SZT2: variants seen among roughly 807,000 people sequenced by gnomAD.
The protein encoded by SZT2 is SZT2 subunit of KICSTOR complex, also known as KICSTOR complex protein SZT2.
In SZT2, 216 loss-of-function variants were observed where a neutral mutation model predicts 404.2. That is an observed-to-expected ratio of 0.53 (90% CI 0.48 to 0.60). The LOEUF (loss-of-function observed/expected upper bound fraction) is 0.60, where lower values mean the gene tolerates loss of function less well. Ranked by LOEUF, SZT2 falls within the 20% of genes least tolerant of loss-of-function variation. The probability of loss-of-function intolerance (pLI) is 0.00; values close to 1 mark genes in which losing one functional copy is unlikely to be tolerated. For missense variants in SZT2, 3,857 were observed against 4,459.2 expected (o/e 0.86, Z 3.85); for synonymous variants, 1,693 against 1,749.9 (o/e 0.97, Z 0.81).
In SZT2 at chr1:43,453,711, C is replaced by T. The variant is rs773566651; in HGVS notation, c.*3231C>T. The T allele has an allele frequency of 7.1e-7, 1 of 1,407,018 alleles. No individual in the cohort carries two copies. The highest frequency in any genetic ancestry group is 1.5e-5 in the South Asian group (1 of 65,016). 87.2% of individuals were successfully genotyped at this position (1,407,018 alleles called of 1,614,324 possible). A position where few individuals can be genotyped will look rare whatever the true frequency, so the allele number is the denominator to read the frequency against. On this transcript the variant is annotated 3_prime_UTR_variant, in exon 72 of 72. Coordinates refer to ENST00000634258, the MANE Select transcript of SZT2 (RefSeq NM_001365999.1). ...CTCGACGGCCTCGAAGCCCGAGCTG[C>T]CCGCGGCCCGCACCCGCGCGGGGAG...
rs760020999 is a variant in SZT2, at chr1:43,445,894, C to T, written c.8826C>T (p.Ser2942=). ...VPLRPPSPAR[S]TSRPRAMAIL... is the part of the protein sequence containing the mutation. ...TCTTATCCCTCCTCCTTTTCTATAG[C>T]ACCAGCCGGCCACGGGCCATGGCTA... Residue 2942 remains serine, a splice_region_variant and synonymous_variant, in exon 63 of 72, where the codon AGC becomes AGT. Transcript: ENST00000634258. 2.5e-6 allele frequency: 4 copies of T among 1,614,200 alleles called. No homozygotes were observed. The highest frequency in any genetic ancestry group is 1.7e-5 in the Admixed American group (1 of 60,030).
Position 43,430,662 on chromosome 1 carries a change from C to T in SZT2, c.4647C>T (p.Gly1549=), listed in dbSNP as rs149192929. The change falls in exon 32 of 72, where the codon GGC becomes GGT. Residue 1549 remains glycine, a synonymous_variant. Transcript: ENST00000634258. ...AAGACTCCTTCAGTATCTTGGGGGG[C>T]GACTCACCCACTGGGCCTGAGAGCT... is the stretch of plus-strand genomic sequence containing the variant. ...PDEDSFSILG[G]DSPTGPESFL... 52 of 1,614,074 alleles carry T rather than the reference C, an allele frequency of 3.2e-5. No homozygotes were observed. In the African/African-American group the frequency reaches 6.0e-4, roughly 19 times the overall value.
intron 26 of SZT2, 60 bp downstream of exon 26, chr1:43,427,794 A>G (rs778110425): frequency 4.6e-5 from 72 of 1,574,318 alleles, no homozygotes; most frequent in Non-Finnish European, 6.2e-5. Flanking sequence ...GCCAAGAAAT[A>G]AGTACACACT....
intron 4 of SZT2, chr1:43,412,379 T>A (rs1006887273): frequency 6.6e-6 from 1 of 152,282 alleles, no homozygotes; most frequent in Non-Finnish European, 1.5e-5. Flanking sequence ...CACTGCAGCC[T>A]TGATCTCTTG....
In SZT2 at chr1:43,452,243, G is replaced by T. The variant is rs780848933; in HGVS notation, c.*1763G>T. 1 of 1,613,976 alleles carries T rather than the reference G, an allele frequency of 6.2e-7. No individual in the cohort carries two copies. The highest frequency in any genetic ancestry group is 2.2e-5 in the East Asian group (1 of 44,866). On this transcript the variant is annotated 3_prime_UTR_variant, in exon 72 of 72. Coordinates refer to ENST00000634258, the MANE Select transcript of SZT2 (RefSeq NM_001365999.1). ...CCAGCTGCATGCCTCAGGTTCTCCA[G>T]AAAAACGGCCTCCATCTCAGCCTTG...
At position 43,430,038 on chromosome 1, in the gene SZT2, C is replaced by T. The variant is rs1214124936; in HGVS notation, c.4336C>T (p.His1446Tyr). ...QEKFLEISRL[H>Y]FRTVPSNPHY... ...GAAGTTCCTAGAGATCAGTCGTCTCCACTTCCGCACAGTGCCTTCCAATCC... is the reference window on the plus strand; with the variant it reads ...GAAGTTCCTAGAGATCAGTCGTCTCTACTTCCGCACAGTGCCTTCCAATCC... Residue 1446 changes from histidine (H) to tyrosine (Y), a missense_variant, in exon 30 of 72, where the codon CAC (histidine) becomes TAC (tyrosine). This residue lies in a region of SZT2 where 1,725 missense variants were observed against 1,881.0 expected (regional missense o/e 0.92). Transcript: ENST00000634258. 1 of 1,614,162 alleles carries T rather than the reference C, an allele frequency of 6.2e-7. No individual in the cohort carries two copies. Among genetic ancestry groups the T allele is most frequent in the Admixed American group, 1.7e-5 (1 of 60,026 alleles).
chr1:43,437,537 C>T lies in SZT2; in HGVS notation c.6290+29C>T, dbSNP rs1178418126. ...TGTGGCCCTTGGAAGGTGGGTAGGG[C>T]ATGAATTAAGGATGGCCTGGGAGGA... On this transcript the variant is annotated intron_variant, in intron 44 of 71. Coordinates refer to ENST00000634258, the MANE Select transcript of SZT2 (RefSeq NM_001365999.1). This position sits in a 1 kb window ranked among gnomAD's most constrained non-coding sequence, Gnocchi z 5.3. The T allele has an allele frequency of 1.2e-6, 2 of 1,613,984 alleles. No homozygotes were observed. Among genetic ancestry groups the T allele is most frequent in the Non-Finnish European group, 8.5e-7 (1 of 1,179,958 alleles).
At chr1:43,428,598 G>A in intron 28 of SZT2, 112 bp downstream of exon 28, 1 of 1,444,374 alleles carries the variant, frequency 6.9e-7, no homozygotes, top group Non-Finnish European at 9.3e-7. Flanking sequence ...AAGCACCTGA[G>A]AAGCAGTAGT....
chr1:43,443,946 G>T (rs568131919), intron 62 of SZT2, 150 bp downstream of exon 62: 3 of 928,590 alleles, frequency 3.2e-6, no homozygotes, highest in Admixed American at 2.6e-5. Context: ...TCATGTGAGG[G>T]TCTCAGATAC....
chr1:43,438,038 A>T, intron 46 of SZT2, 136 bp downstream of exon 46: 1 of 839,760 alleles, frequency 1.2e-6, no homozygotes, highest in Non-Finnish European at 1.9e-6. Flanking sequence ...ATGTTAAGTG[A>T]GCCATAAATA....
intron 67 of SZT2, 22 bp downstream of exon 67, chr1:43,447,720 A>G: frequency 6.2e-7 from 1 of 1,612,302 alleles, no homozygotes; most frequent in Non-Finnish European, 8.5e-7. Flanking sequence ...AGGGGCATCC[A>G]GCATGCACGC....
chr1:43,407,584 T>A (rs1260294283), intron 4 of SZT2, among the ~76,000 whole-genome samples: 3 of 151,816 alleles, frequency 2.0e-5, no homozygotes, highest in Admixed American at 2.0e-4. Context: ...TCCCAGCTAC[T>A]TGGGAGGCTG....
rs1323030925 is a variant in SZT2 at position 43,440,099 on chromosome 1, C to T, written c.7210+51C>T. The T allele has an allele frequency of 3.1e-6, 5 of 1,608,546 alleles. No individual in the cohort carries two copies. The Admixed American group carries it at 6.7e-5, about 22-fold the overall frequency. ...GTCCAGAGAATGTCACAGATCCAAG[C>T]AGGACAGTGTGGCAGGTGAGCGTGC... On this transcript the variant is annotated intron_variant, in intron 51 of 71. Coordinates refer to ENST00000634258, the MANE Select transcript of SZT2 (RefSeq NM_001365999.1).
In SZT2 at chr1:43,452,491, AG is replaced by A. The variant is rs1236678704; in HGVS notation, c.*2015del. On this transcript the variant is annotated 3_prime_UTR_variant, in exon 72 of 72. Coordinates refer to ENST00000634258, the MANE Select transcript of SZT2 (RefSeq NM_001365999.1). The stretch of plus-strand genomic sequence containing the variant: ...TTCAGAGACACTTCAGTGATGGCTG[AG>A]GGGCAAGCCCTTTCCCAGACATCTC... 1 of 699,184 alleles carries A rather than the reference AG, an allele frequency of 1.4e-6. No individual in the cohort carries two copies. The highest frequency in any genetic ancestry group is 2.7e-6 in the Non-Finnish European group (1 of 377,268). 43.3% of individuals were successfully genotyped at this position (699,184 alleles called of 1,614,324 possible).
chr1:43,432,505 C>G lies in SZT2; in HGVS notation c.5443-12C>G, dbSNP rs755097182. 4.3e-5 allele frequency: 69 copies of G among 1,597,912 alleles called. No homozygotes were observed. Among genetic ancestry groups the G allele is most frequent in the Non-Finnish European group, 5.7e-5 (67 of 1,172,952 alleles). Reference sequence around the variant, plus strand: ...GGGGCCTATACCTCAGTCCTGACTTCCTATTCCTCAGACCCTGACAGCCAG... The same window carrying G: ...GGGGCCTATACCTCAGTCCTGACTTGCTATTCCTCAGACCCTGACAGCCAG... On this transcript the variant is annotated splice_polypyrimidine_tract_variant and intron_variant, in intron 37 of 71. Transcript: ENST00000634258.
At position 43,427,768 on chromosome 1, in the gene SZT2, C is replaced by T. The variant is rs750893568; in HGVS notation, c.3803+34C>T. 34 of 1,604,118 alleles carry T rather than the reference C, an allele frequency of 2.1e-5. No homozygotes were observed. The East Asian group carries it at 5.2e-4, about 24-fold the overall frequency. ...CTTCAGTGTTGACCTAAGTCCTCGC[C>T]GGGCCATGGCTCCCAGCCAAGAAAT... On this transcript the variant is annotated intron_variant, in intron 26 of 71. Coordinates refer to ENST00000634258, the MANE Select transcript of SZT2 (RefSeq NM_001365999.1).
Position 43,432,779 on chromosome 1 carries a change from G to C in SZT2, c.5582G>C (p.Ser1861Thr). The C allele has an allele frequency of 6.2e-7, 1 of 1,613,956 alleles. No individual in the cohort carries two copies. The highest frequency in any genetic ancestry group is 8.5e-7 in the Non-Finnish European group (1 of 1,179,926). The part of the protein sequence containing the change: ...RGLSLMSSQG[S>T]VDSDHLGYDG... ...TTAAGTCTCATGTCCAGTCAGGGCA[G>C]TGTGGACTCAGACCACCTAGGTAAG... The change falls in exon 39 of 72, where the codon AGT (serine) becomes ACT (threonine). Residue 1861 changes from serine (S) to threonine (T), a missense_variant. Physicochemically the swap from Ser to Thr is moderately conservative, Grantham distance 58 (BLOSUM62 1). Coordinates refer to ENST00000634258, the MANE Select transcript of SZT2 (RefSeq NM_001365999.1).
chr1:43,441,080 A>C lies in SZT2; in HGVS notation c.7345-134A>C. The C allele has an allele frequency of 8.8e-7, 1 of 1,139,676 alleles. No homozygotes were observed. Among genetic ancestry groups the C allele is most frequent in the South Asian group, 1.5e-5 (1 of 65,128 alleles). 70.6% of individuals were successfully genotyped at this position (1,139,676 alleles called of 1,614,324 possible). On this transcript the variant is annotated intron_variant, in intron 52 of 71. Coordinates refer to ENST00000634258, the MANE Select transcript of SZT2 (RefSeq NM_001365999.1). The surrounding 1 kb of genome is among the most constrained non-coding windows in gnomAD (Gnocchi z 4.8). ...TTAGGTAACCTGCCCAAGGCTCCTT[A>C]GCCAGCCCCTGGGGAAGCCAGGGTC... is the stretch of plus-strand genomic sequence containing the variant.
At chr1:43,431,187 G>A (rs1406631008) in intron 33 of SZT2, 78 bp from the exon 34 acceptor site, 3 of 1,565,910 alleles carry the variant, frequency 1.9e-6, no homozygotes, top group Admixed American at 1.9e-5. Flanking sequence ...AGACCTTGAG[G>A]AGTCCAAGAA....
Sources: allele counts gnomAD v4.1 joint callset (sites outside exome capture counted in the v4.1 genomes callset), GRCh38; gene constraint gnomAD v4.1.1; regional missense constraint gnomAD v4.1.1; non-coding constraint Gnocchi (gnomAD v3.1); transcripts MANE v1.5; gene names NCBI Gene and HGNC (gene_info 2026-07-23, HGNC 2026-07-21).